Variants in CD109 observed in about 807,000 individuals in gnomAD.
CD109 encodes the protein CD109 antigen.
A neutral mutation model predicts 165.8 loss-of-function variants in CD109; 149 were observed. That is an observed-to-expected ratio of 0.90 (90% CI 0.79 to 1.03). CD109 has a LOEUF of 1.03. CD109 is among the 50% of genes least tolerant of loss of function. CD109 has a pLI of 0.00. For synonymous variants in CD109, 585 were observed against 592.1 expected, an observed-to-expected ratio of 0.99 and a Z score of 0.18; for missense variants, 1,712 against 1,677.8, an observed-to-expected ratio of 1.02 and a Z score of -0.36.
chr6:73,715,954 T>C (rs1771728817), intron 2 of CD109, among the ~76,000 whole-genome samples: 1 of 152,194 alleles, frequency 6.6e-6, no homozygotes, highest in African/African-American at 2.4e-5. Flanking sequence ...GTAACCATCC[T>C]TCTACACTCT....
intron 11 of CD109, 23 bp from the exon 12 acceptor site, chr6:73,766,736 A>T: frequency 1.3e-6 from 2 of 1,523,142 alleles, no homozygotes; most frequent in Non-Finnish European, 1.8e-6. Flanking sequence ...GAACATTTAC[A>T]GCTCCTTTTT....
intron 5 of CD109, among the ~76,000 whole-genome samples, chr6:73,742,517 G>A (rs1482296733): frequency 6.6e-6 from 1 of 152,240 alleles, no homozygotes; most frequent in African/African-American, 2.4e-5. Flanking sequence ...TGGGAGCCAG[G>A]AGGCATCTGG....
At chr6:73,800,764 A>C (rs1775333670) in intron 23 of CD109, among the ~76,000 whole-genome samples, 1 of 152,124 alleles carries the variant, frequency 6.6e-6, no homozygotes, top group Non-Finnish European at 1.5e-5. Flanking sequence ...TTATTTTTAT[A>C]GGGCTTTTTA....
intron 2 of CD109, among the ~76,000 whole-genome samples, chr6:73,713,610 G>A (rs956787596): frequency 6.6e-6 from 1 of 152,100 alleles, no homozygotes; most frequent in African/African-American, 2.4e-5. Flanking sequence ...AACAGATAAG[G>A]TCATGTGTCT....
intron 2 of CD109, among the ~76,000 whole-genome samples, chr6:73,698,518 T>C (rs1770942073): frequency 6.7e-6 from 1 of 149,092 alleles, no homozygotes; most frequent in East Asian, 1.9e-4. Context: ...AAGAGTTATT[T>C]AAAAAAAAAA....
intron 32 of CD109, among the ~76,000 whole-genome samples, chr6:73,822,684 A>G (rs1303944516): frequency 6.6e-6 from 1 of 152,340 alleles, no homozygotes; most frequent in South Asian, 2.1e-4. Flanking sequence ...AATTCAGTCT[A>G]TGCAAATTTT....
At chr6:73,789,889 G>A (rs1173645449) in intron 22 of CD109, among the ~76,000 whole-genome samples, 1 of 151,278 alleles carries the variant, frequency 6.6e-6, no homozygotes, top group Non-Finnish European at 1.5e-5. Flanking sequence ...AGCCTCCTGA[G>A]TAGCTGGAAT....
At chr6:73,736,669 G>C (rs1200923490) in intron 5 of CD109, among the ~76,000 whole-genome samples, 161 bp downstream of exon 5, 2 of 152,076 alleles carry the variant, frequency 1.3e-5, no homozygotes, top group Non-Finnish European at 2.9e-5. Context: ...TTTATCAAGG[G>C]TTTATTTAGC....
intron 2 of CD109, among the ~76,000 whole-genome samples, chr6:73,703,523 A>G (rs186851802): frequency 4.1e-4 from 63 of 152,350 alleles, no homozygotes; most frequent in African/African-American, 1.2e-3. Context: ...AGAGCTGGAA[A>G]CAGATTGCAG....
chr6:73,719,018 A>C (rs999905569), intron 2 of CD109, among the ~76,000 whole-genome samples: 4 of 152,224 alleles, frequency 2.6e-5, no homozygotes, highest in African/African-American at 7.2e-5. Context: ...GGTGAAATTA[A>C]TTGTAATAAT....
chr6:73,797,201 C>G (rs1775195272), intron 23 of CD109, among the ~76,000 whole-genome samples: 1 of 152,176 alleles, frequency 6.6e-6, no homozygotes, highest in Non-Finnish European at 1.5e-5. Flanking sequence ...GAAACAACAG[C>G]TACATCATTG....
chr6:73,798,772 A>G (rs1200114655), intron 23 of CD109, among the ~76,000 whole-genome samples: 1 of 152,172 alleles, frequency 6.6e-6, no homozygotes, highest in African/African-American at 2.4e-5. Flanking sequence ...GGTAATTTCC[A>G]TAAGCACTGA....
intron 23 of CD109, among the ~76,000 whole-genome samples, chr6:73,799,402 T>C (rs1775287052): frequency 6.6e-6 from 1 of 152,198 alleles, no homozygotes; most frequent in Admixed American, 6.5e-5. Flanking sequence ...ATCAGGCGGT[T>C]CTTGCATTAC....
At position 73,826,018 on chromosome 6, in the gene CD109, T is replaced by C. The variant is rs1350312999; in HGVS notation, c.*2385T>C. On this transcript the variant is annotated 3_prime_UTR_variant, in exon 33 of 33. Coordinates refer to ENST00000287097, the MANE Select transcript of CD109 (RefSeq NM_133493.5). ...AAAAAGTCACCTTGTAACTCATCTCTTTTTATTGTAAGTTTATTAAAAATG... is the reference window on the plus strand; with the variant it reads ...AAAAAGTCACCTTGTAACTCATCTCCTTTTATTGTAAGTTTATTAAAAATG... 1 of 152,136 alleles carries C rather than the reference T, an allele frequency of 6.6e-6. No individual in the cohort carries two copies. Among genetic ancestry groups the C allele is most frequent in the Non-Finnish European group, 1.5e-5 (1 of 68,046 alleles). The allele number at this position is 152,136 out of a possible 1,614,324, so 9.4% of individuals were successfully genotyped here. A position where few individuals can be genotyped will look rare whatever the true frequency, so the allele number is the denominator to read the frequency against.
At chr6:73,786,232 A>T (rs1774686351) in intron 20 of CD109, among the ~76,000 whole-genome samples, 1 of 152,142 alleles carries the variant, frequency 6.6e-6, no homozygotes, top group Admixed American at 6.5e-5. Context: ...TTTCCCTGGG[A>T]GGCAGGAATT....
chr6:73,825,278 G>C lies in CD109; in HGVS notation c.*1645G>C, dbSNP rs1052540648. The C allele has an allele frequency of 6.6e-6, 1 of 152,082 alleles. No individual in the cohort carries two copies. Among genetic ancestry groups the C allele is most frequent in the Non-Finnish European group, 1.5e-5 (1 of 68,012 alleles). The allele number at this position is 152,082 out of a possible 1,614,324, so 9.4% of individuals were successfully genotyped here. A position where few individuals can be genotyped will look rare whatever the true frequency, so the allele number is the denominator to read the frequency against. The stretch of plus-strand genomic sequence containing the variant: ...TAAGTATCAAATACTTAATTTTCTT[G>C]CCTTTTTTTCTTAAGTGGGGAAAAG... On this transcript the variant is annotated 3_prime_UTR_variant, in exon 33 of 33. Transcript: ENST00000287097.
At chr6:73,716,855 G>T (rs1385872892) in intron 2 of CD109, among the ~76,000 whole-genome samples, 1 of 152,178 alleles carries the variant, frequency 6.6e-6, no homozygotes, top group Non-Finnish European at 1.5e-5. Flanking sequence ...TCTTTGCCCA[G>T]TTCAGTGTCC....
intron 26 of CD109, 132 bp downstream of exon 26, chr6:73,808,380 C>T: frequency 1.2e-6 from 1 of 847,672 alleles, no homozygotes; most frequent in East Asian, 2.7e-5. Context: ...ATAATGAGAT[C>T]AGGATGGGCC....
chr6:73,746,102 C>T lies in CD109; in HGVS notation c.633+9594C>T, dbSNP rs776858830. On this transcript the variant is annotated intron_variant, in intron 5 of 32. Transcript: ENST00000287097. ...AGAAAGTTGCGAAGATAGCACAAAG[C>T]GGCCCTATATTATCTTAACGCAGTG... 3.3e-5 allele frequency among the ~76,000 whole-genome samples: 5 copies of T among 152,204 alleles called. No individual in the cohort carries two copies. In the East Asian group the frequency reaches 5.8e-4, roughly 18 times the overall value.
Sources: gnomAD v4.1 joint callset for allele counts (sites outside exome capture counted in the v4.1 genomes callset) on GRCh38, gnomAD v4.1.1 for gene constraint, MANE v1.5 for transcripts, NCBI Gene and HGNC (gene_info 2026-07-23, HGNC 2026-07-21) for gene names.